GALNT15: variants seen among roughly 807,000 people sequenced by gnomAD.
GALNT15 encodes the protein polypeptide N-acetylgalactosaminyltransferase 15.
In GALNT15, 67 loss-of-function variants were observed where a neutral mutation model predicts 66.8. That is an observed-to-expected ratio of 1.00 (90% CI 0.82 to 1.23). The LOEUF is 1.23. GALNT15 is among the 50% of genes most tolerant of loss of function. The pLI, the probability that GALNT15 is intolerant of heterozygous loss-of-function variation, is 0.00. For missense variants in GALNT15, 827 were observed against 804.3 expected, an observed-to-expected ratio of 1.03 and a Z score of -0.34; for synonymous variants, 313 against 311.5, an observed-to-expected ratio of 1.00 and a Z score of -0.05.
chr3:16,178,775 T>C (rs2063440028), intron 1 of GALNT15, among the ~76,000 whole-genome samples: 1 of 152,204 alleles, frequency 6.6e-6, no homozygotes. Context: ...GTGCCTGCAG[T>C]ATGCGGGCCC....
At chr3:16,197,864 C>T (rs2063656402) in intron 2 of GALNT15, among the ~76,000 whole-genome samples, 1 of 152,190 alleles carries the variant, frequency 6.6e-6, no homozygotes, top group Non-Finnish European at 1.5e-5. Flanking sequence ...CTCTTACCCA[C>T]TTCAAAACCC....
Position 16,180,505 on chromosome 3 carries a change from CT to C in GALNT15, c.539+4816del, listed in dbSNP as rs1204128768. ...AAAAGTATGTGCACACCCAACCCCC[CT>C]ATATTGCTTGTTAAAAAGACGTAGA... On this transcript the variant is annotated intron_variant, in intron 1 of 9. Transcript: ENST00000339732. This position sits in a 1 kb window ranked among gnomAD's most constrained non-coding sequence, Gnocchi z 5.0. Among the ~76,000 whole-genome samples, 5 of 152,070 alleles carry C rather than the reference CT, an allele frequency of 3.3e-5. No individual in the cohort carries two copies. The highest frequency in any genetic ancestry group is 7.4e-5 in the Non-Finnish European group (5 of 68,018).
intron 9 of GALNT15, among the ~76,000 whole-genome samples, chr3:16,222,973 A>T (rs190936319): frequency 1.4e-4 from 22 of 152,316 alleles, no homozygotes; most frequent in Non-Finnish European, 2.5e-4. Flanking sequence ...ATGATTTGCC[A>T]GGTCTCTGTG....
chr3:16,236,715 C>T (rs2064127437), downstream of GALNT15, among the ~76,000 whole-genome samples: 1 of 152,178 alleles, frequency 6.6e-6, no homozygotes, highest in African/African-American at 2.4e-5. Context: ...ACACTCCAGT[C>T]CTTTTTATAA....
chr3:16,215,916 A>AAACAAAACAAAAAAAAACAAAAC (rs1019009823), intron 6 of GALNT15, among the ~76,000 whole-genome samples: 1 of 143,454 alleles, frequency 7.0e-6, no homozygotes, highest in Non-Finnish European at 1.5e-5. Flanking sequence ...CAAAAAAAAA[A>AAACAAAACAAAAAAAAACAAAAC]AAAAAAAAAG....
chr3:16,206,503 T>A (rs779268476), intron 3 of GALNT15, among the ~76,000 whole-genome samples: 6 of 151,364 alleles, frequency 4.0e-5, no homozygotes, highest in Non-Finnish European at 7.4e-5. Context: ...TGAAAACCCG[T>A]GTATACTAAA....
intron 4 of GALNT15, among the ~76,000 whole-genome samples, chr3:16,210,755 C>T (rs1016019770): frequency 3.3e-5 from 5 of 152,184 alleles, no homozygotes; most frequent in African/African-American, 1.2e-4. Flanking sequence ...GTCGCCGTGT[C>T]AGGCCTGGTG....
rs1229186729 is a variant in GALNT15 at position 16,184,932 on chromosome 3, G to C, written c.539+9242G>C. 6.6e-6 allele frequency among the ~76,000 whole-genome samples: 1 copy of C among 152,220 alleles called. No individual in the cohort carries two copies. Among genetic ancestry groups the C allele is most frequent in the Non-Finnish European group, 1.5e-5 (1 of 68,028 alleles). On this transcript the variant is annotated intron_variant, in intron 1 of 9. Transcript: ENST00000339732. This position sits in a 1 kb window ranked among gnomAD's most constrained non-coding sequence, Gnocchi z 5.0. ...GAGCACAGCTCACTGGGGTGGGGTA[G>C]GGGTTAATTTTCCAGCTCTTCAGGG...
Position 16,227,253 on chromosome 3 carries a change from TG to T in GALNT15, c.1774-100del. 1.6e-6 allele frequency: 2 copies of T among 1,233,178 alleles called. No individual in the cohort carries two copies. Among genetic ancestry groups the T allele is most frequent in the Non-Finnish European group, 1.1e-6 (1 of 885,230 alleles). The allele number at this position is 1,233,178 out of a possible 1,614,324, so 76.4% of individuals were successfully genotyped here. ...CCTTTCCAGGCCAGTTCACACCATC[TG>T]TTATTCTCTTAATGATTAGCACAAA... On this transcript the variant is annotated intron_variant, in intron 9 of 9. Transcript: ENST00000339732. The surrounding 1 kb of genome is among the most constrained non-coding windows in gnomAD (Gnocchi z 4.5).
chr3:16,212,834 C>T, intron 6 of GALNT15, 71 bp downstream of exon 6: 1 of 1,353,950 alleles, frequency 7.4e-7, no homozygotes, highest in South Asian at 1.3e-5. Context: ...CCAGGGAGGG[C>T]TCCTTTCTCT....
chr3:16,206,230 C>T (rs1395447716), intron 3 of GALNT15, among the ~76,000 whole-genome samples: 1 of 151,996 alleles, frequency 6.6e-6, no homozygotes, highest in African/African-American at 2.4e-5. Flanking sequence ...CACACACCCC[C>T]ACACTAGCCG....
rs1016642575 is a variant in GALNT15, at chr3:16,228,962, T to C, written c.*1462T>C. 1.0e-6 allele frequency: 1 copy of C among 985,458 alleles called. No individual in the cohort carries two copies. Among genetic ancestry groups the C allele is most frequent in the Non-Finnish European group, 1.2e-6 (1 of 829,950 alleles). The allele number at this position is 985,458 out of a possible 1,614,324, so 61.0% of individuals were successfully genotyped here. Reference sequence around the variant, plus strand: ...GCTAAATGACTTTCCTTGCTATGACTTGGCTTACCTGAATTAGCTGTAAGA... The same window carrying C: ...GCTAAATGACTTTCCTTGCTATGACCTGGCTTACCTGAATTAGCTGTAAGA... On this transcript the variant is annotated 3_prime_UTR_variant, in exon 10 of 10. Coordinates refer to ENST00000339732, the MANE Select transcript of GALNT15 (RefSeq NM_054110.5).
At chr3:16,178,672 C>T (rs551871427) in intron 1 of GALNT15, among the ~76,000 whole-genome samples, 23 of 152,238 alleles carry the variant, frequency 1.5e-4, no homozygotes, top group African/African-American at 5.1e-4. Context: ...CAAACGATCT[C>T]CACCCTCCCC....
In GALNT15 at chr3:16,208,671, G is replaced by T. The variant is rs774152107; in HGVS notation, c.1079+1G>T. The T allele has an allele frequency of 1.9e-6, 3 of 1,613,100 alleles. No individual in the cohort carries two copies. Among genetic ancestry groups the T allele is most frequent in the Non-Finnish European group, 2.5e-6 (3 of 1,179,544 alleles). On this transcript the variant is annotated splice_donor_variant, in intron 4 of 9. Transcript: ENST00000339732. LOFTEE classifies it high-confidence loss of function. ...TCCAGTCCCCCATAAGCCCCATCAGGTGAGTCCCCATTTCACACCTGCTTT... is the reference window on the plus strand; with the variant it reads ...TCCAGTCCCCCATAAGCCCCATCAGTTGAGTCCCCATTTCACACCTGCTTT...
chr3:16,222,448 T>A (rs1311952431), intron 8 of GALNT15, among the ~76,000 whole-genome samples, 167 bp from the exon 9 acceptor site: 1 of 152,234 alleles, frequency 6.6e-6, no homozygotes, highest in African/African-American at 2.4e-5. Flanking sequence ...ATGACTAGTC[T>A]AGCAGCATGT....
chr3:16,212,720 A>G lies in GALNT15; in HGVS notation c.1349A>G (p.Glu450Gly), dbSNP rs1488795929. ...IAETWLGSFK[E>G]TFYKHSPEAF... ...GAGACCTGGCTGGGGTCATTCAAAG[A>G]AACCTTCTACAAGCATAGCCCAGAG... is the stretch of plus-strand genomic sequence containing the variant. Residue 450 changes from glutamate (E) to glycine (G), a missense_variant, in exon 6 of 10, where the codon GAA becomes GGA. Physicochemically the swap from Glu to Gly is moderately conservative, Grantham distance 98. Coordinates refer to ENST00000339732, the MANE Select transcript of GALNT15 (RefSeq NM_054110.5). 6.2e-7 allele frequency: 1 copy of G among 1,613,928 alleles called. No individual in the cohort carries two copies. The highest frequency in any genetic ancestry group is 2.2e-5 in the East Asian group (1 of 44,884).
chr3:16,212,642 C>T lies in GALNT15; in HGVS notation c.1271C>T (p.Ser424Phe), dbSNP rs2063829146. The change falls in exon 6 of 10, where the codon TCC becomes TTC. Residue 424 changes from serine (S) to phenylalanine (F), a missense_variant. Transcript: ENST00000339732. ...GGACACATCTACCAAAATCAGGATT[C>T]CCATTCCCCCCTCGACCAGGAGGCC... is the stretch of plus-strand genomic sequence containing the variant. Reference protein sequence around the residue: ...RVGHIYQNQDSHSPLDQEATL... With the variant: ...RVGHIYQNQDFHSPLDQEATL... 2 of 1,613,960 alleles carry T rather than the reference C, an allele frequency of 1.2e-6. No individual in the cohort carries two copies. The highest frequency in any genetic ancestry group is 8.5e-7 in the Non-Finnish European group (1 of 1,179,968).
intron 4 of GALNT15, among the ~76,000 whole-genome samples, chr3:16,210,448 A>G (rs1171902723): frequency 1.3e-5 from 2 of 152,228 alleles, no homozygotes; most frequent in Admixed American, 6.5e-5. Flanking sequence ...AAAAATTCCC[A>G]GAGTTTGGCT....
chr3:16,175,219 T>G lies in GALNT15; in HGVS notation c.68T>G (p.Leu23Arg), dbSNP rs757768982. ...CAGTTCCTCCTGCTGCTCCTGATGC[T>G]GGGATGCGTCCTGATGATGGTGGCG... is the stretch of plus-strand genomic sequence containing the variant. ...RLQFLLLLLM[L>R]GCVLMMVAML... Residue 23 changes from leucine to arginine, a missense_variant, in exon 1 of 10, where the codon CTG becomes CGG. Coordinates refer to ENST00000339732, the MANE Select transcript of GALNT15 (RefSeq NM_054110.5). This position sits in a 1 kb window ranked among gnomAD's most constrained non-coding sequence, Gnocchi z 5.6. 4 of 1,614,074 alleles carry G rather than the reference T, an allele frequency of 2.5e-6. No individual in the cohort carries two copies. Among genetic ancestry groups the G allele is most frequent in the Non-Finnish European group, 2.5e-6 (3 of 1,180,038 alleles).
Sources: allele counts gnomAD v4.1 joint callset (sites outside exome capture counted in the v4.1 genomes callset), GRCh38; gene constraint gnomAD v4.1.1; non-coding constraint Gnocchi (gnomAD v3.1); transcripts MANE v1.5; gene names NCBI Gene and HGNC (gene_info 2026-07-23, HGNC 2026-07-21).